Variants in TBC1D4 observed in about 807,000 individuals in gnomAD.
The protein encoded by TBC1D4 is TBC (Tre-2, BUB2, CDC16) domain-containing protein.
A neutral mutation model predicts 142.5 loss-of-function variants in TBC1D4; 121 were observed. The ratio of observed to expected loss-of-function variants is 0.85; its 90% CI spans 0.73 to 0.99. The LOEUF is 0.99. TBC1D4 is among the 50% of genes least tolerant of loss of function. The pLI, the probability that TBC1D4 is intolerant of heterozygous loss-of-function variation, is 0.00. For missense variants in TBC1D4, 1,475 were observed against 1,606.6 expected, an observed-to-expected ratio of 0.92 and a Z score of 1.40; for synonymous variants, 630 against 628.2, an observed-to-expected ratio of 1.00 and a Z score of -0.04.
At chr13:75,481,195 T>TGCCCCCCCCCC in intron 1 of TBC1D4, 75 bp downstream of exon 1, 4 of 1,292,710 alleles carry the variant, frequency 3.1e-6, no homozygotes, top group Non-Finnish European at 2.1e-6. Context: ...TAAAGTGGGG[T>TGCCCCCCCCCC]CCCCGCCCCT....
chr13:75,396,259 G>C (rs1186095178), intron 1 of TBC1D4, among the ~76,000 whole-genome samples: 1 of 152,156 alleles, frequency 6.6e-6, no homozygotes, highest in South Asian at 2.1e-4. Flanking sequence ...AGCCACGAAT[G>C]CTGTTAATGG....
rs1282749857 is a variant in TBC1D4, at chr13:75,336,923, T to A, written c.1729A>T (p.Arg577Trp). Residue 577 changes from arginine to tryptophan, a missense_variant and splice_region_variant, in exon 8 of 21, where the codon AGG becomes TGG. Transcript: ENST00000377636. ...AAAGACCATTGGTGCAATCTTACCC[T>A]TGAGAAGATATTTTCCAGGGAGCTA... ...LTSSLENIFS[R>W]GANRMRGRLG... 1 of 1,613,566 alleles carries A rather than the reference T, an allele frequency of 6.2e-7. No individual in the cohort carries two copies. Among genetic ancestry groups the A allele is most frequent in the Non-Finnish European group, 8.5e-7 (1 of 1,179,796 alleles).
At chr13:75,333,646 T>G (rs535114377) in intron 8 of TBC1D4, among the ~76,000 whole-genome samples, 1 of 152,302 alleles carries the variant, frequency 6.6e-6, no homozygotes, top group African/African-American at 2.4e-5. Flanking sequence ...ATAACTAAAA[T>G]ACAACTTTCA....
At chr13:75,295,594 G>T (rs1026075757) in intron 17 of TBC1D4, among the ~76,000 whole-genome samples, 1 of 152,070 alleles carries the variant, frequency 6.6e-6, no homozygotes. Context: ...CATGACAAAC[G>T]TGATTAAGGC....
At chr13:75,415,073 G>A (rs946849436) in intron 1 of TBC1D4, among the ~76,000 whole-genome samples, 3 of 148,338 alleles carry the variant, frequency 2.0e-5, no homozygotes, top group East Asian at 2.0e-4. Context: ...TCGGTGAGCC[G>A]AGATCATGCC....
intron 1 of TBC1D4, among the ~76,000 whole-genome samples, chr13:75,439,737 T>C (rs1192808169): frequency 6.6e-6 from 1 of 151,824 alleles, no homozygotes; most frequent in South Asian, 2.1e-4. Context: ...CCGTCTCTAC[T>C]ACAAAAATAC....
At chr13:75,431,821 G>A (rs1886602113) in intron 1 of TBC1D4, among the ~76,000 whole-genome samples, 1 of 152,096 alleles carries the variant, frequency 6.6e-6, no homozygotes, top group Non-Finnish European at 1.5e-5. Context: ...TCTAGAAATA[G>A]GATATGAAAG....
intron 1 of TBC1D4, among the ~76,000 whole-genome samples, chr13:75,462,924 T>G (rs1888029252): frequency 6.6e-6 from 1 of 152,118 alleles, no homozygotes; most frequent in Non-Finnish European, 1.5e-5. Context: ...ATTGGTATTA[T>G]CTAGCTTCAG....
chr13:75,422,512 TA>T (rs538139822), intron 1 of TBC1D4, among the ~76,000 whole-genome samples: 1 of 152,358 alleles, frequency 6.6e-6, no homozygotes, highest in South Asian at 2.1e-4. Context: ...AAATTCATTT[TA>T]AAATATTGAG....
intron 1 of TBC1D4, among the ~76,000 whole-genome samples, chr13:75,472,106 CAAAAAAAAA>C (rs59823952): frequency 8.2e-6 from 1 of 121,960 alleles, no homozygotes; most frequent in African/African-American, 3.5e-5. Context: ...GACTCTGTCT[CAAAAAAAAA>C]AAAAAAAAAA....
chr13:75,356,563 G>T (rs571067915), intron 3 of TBC1D4, among the ~76,000 whole-genome samples: 2 of 152,140 alleles, frequency 1.3e-5, no homozygotes, highest in South Asian at 2.1e-4. Context: ...TGCAAGTAAC[G>T]GAGTTTTCAG....
chr13:75,292,389 G>A (rs946429627), intron 18 of TBC1D4, 118 bp from the exon 19 acceptor site: 11 of 803,050 alleles, frequency 1.4e-5, no homozygotes, highest in Non-Finnish European at 1.7e-5. Flanking sequence ...GAAGAAAACT[G>A]GTCAAAAGCA....
intron 1 of TBC1D4, among the ~76,000 whole-genome samples, chr13:75,390,708 T>G (rs1884427061): frequency 1.3e-5 from 2 of 151,718 alleles, no homozygotes; most frequent in Admixed American, 1.3e-4. Context: ...GACCAGAAAA[T>G]AACAGCAAAC....
chr13:75,481,198 C>CCCCCCCACCCCCCCCCCCCCCCCCCCA, intron 1 of TBC1D4, 72 bp downstream of exon 1: 1 of 1,214,460 alleles, frequency 8.2e-7, no homozygotes, highest in Non-Finnish European at 1.1e-6. Flanking sequence ...AGTGGGGTCC[C>CCCCCCCACCCCCCCCCCCCCCCCCCCA]CGCCCCTCCC....
intron 14 of TBC1D4, among the ~76,000 whole-genome samples, chr13:75,307,463 A>AAGGAAGAG (rs1311069111): frequency 1.3e-5 from 2 of 152,158 alleles, no homozygotes; most frequent in Non-Finnish European, 2.9e-5. Flanking sequence ...TTCAAAAGAG[A>AAGGAAGAG]AGGAAGAGCA....
chr13:75,385,356 A>C (rs761484677), intron 1 of TBC1D4, among the ~76,000 whole-genome samples: 1 of 152,216 alleles, frequency 6.6e-6, no homozygotes, highest in Non-Finnish European at 1.5e-5. Flanking sequence ...TGAACTAACC[A>C]ATGAATAAGC....
chr13:75,318,017 T>C (rs1056853289), intron 12 of TBC1D4, among the ~76,000 whole-genome samples: 3 of 152,248 alleles, frequency 2.0e-5, no homozygotes, highest in Admixed American at 2.0e-4. Flanking sequence ...CAAGCAGTTA[T>C]AGTCTTCACC....
chr13:75,367,497 G>C (rs2138195804), intron 1 of TBC1D4, among the ~76,000 whole-genome samples: 1 of 151,720 alleles, frequency 6.6e-6, no homozygotes, highest in Non-Finnish European at 1.5e-5. Context: ...AATAACTATA[G>C]TAGGCAGAGC....
intron 12 of TBC1D4, among the ~76,000 whole-genome samples, chr13:75,318,613 T>G (rs563988531): frequency 1.3e-5 from 2 of 152,344 alleles, no homozygotes; most frequent in African/African-American, 4.8e-5. Flanking sequence ...TCAGGTGCAC[T>G]AACAGTTTAT....
Sources: allele counts gnomAD v4.1 joint callset (sites outside exome capture counted in the v4.1 genomes callset), GRCh38; gene constraint gnomAD v4.1.1; transcripts MANE v1.5; gene names NCBI Gene and HGNC (gene_info 2026-07-23, HGNC 2026-07-21).